VPS8: variants seen among roughly 807,000 people sequenced by gnomAD.
VPS8 encodes vacuolar protein sorting-associated protein 8 homolog.
Under a neutral mutation model 216.4 loss-of-function variants are expected in VPS8, and 129 were observed. The observed-to-expected ratio is 0.60, with a 90% CI of 0.52 to 0.69. The LOEUF (loss-of-function observed/expected upper bound fraction) is 0.69, where lower values mean the gene tolerates loss of function less well. VPS8 is among the 30% of genes least tolerant of loss of function. The pLI is 0.00. For missense variants in VPS8, 1,531 were observed against 1,683.5 expected (o/e 0.91, Z 1.59); for synonymous variants, 571 against 565.4 (o/e 1.01, Z -0.14).
chr3:184,956,922 T>C (rs1745706892), intron 36 of VPS8, among the ~76,000 whole-genome samples: 1 of 152,218 alleles, frequency 6.6e-6, no homozygotes, highest in Admixed American at 6.5e-5. Context: ...ACAGAATTTA[T>C]AGTGTTTTAG....
At chr3:184,872,469 C>T (rs1384111036) in intron 21 of VPS8, among the ~76,000 whole-genome samples, 2 of 151,986 alleles carry the variant, frequency 1.3e-5, no homozygotes, top group East Asian at 3.9e-4. Context: ...ATGCTGACTG[C>T]AGAACGTACA....
chr3:184,817,828 GCATGGCCC>G (rs1399841950), intron 1 of VPS8, among the ~76,000 whole-genome samples: 1 of 152,198 alleles, frequency 6.6e-6, no homozygotes, highest in East Asian at 1.9e-4. Context: ...ATTCAAAGGA[GCATGGCCC>G]CATTTTTATT....
intron 1 of VPS8, chr3:184,812,734 C>G (rs1715408210): frequency 6.6e-6 from 1 of 152,276 alleles, no homozygotes; most frequent in African/African-American, 2.4e-5. Flanking sequence ...CCCGCTCCCC[C>G]GACTGTGAGC....
In VPS8 at chr3:185,046,440, G is replaced by A. The variant is rs1053665533; in HGVS notation, c.4057-2039G>A. On this transcript the variant is annotated intron_variant, in intron 46 of 47. Coordinates refer to ENST00000625842, the MANE Select transcript of VPS8 (RefSeq NM_001009921.3). Reference sequence around the variant, plus strand: ...GCCCTAAATGCCTGTTAATCTCATGGTGCCCACCTCTTCCCTGGATGGTGG... The same window carrying A: ...GCCCTAAATGCCTGTTAATCTCATGATGCCCACCTCTTCCCTGGATGGTGG... Among the ~76,000 whole-genome samples the A allele has an allele frequency of 1.4e-4, 21 of 152,210 alleles. No homozygotes were observed. The East Asian group carries it at 4.1e-3, about 29-fold the overall frequency.
chr3:184,878,632 A>T (rs1373298250), intron 21 of VPS8, among the ~76,000 whole-genome samples: 1 of 152,196 alleles, frequency 6.6e-6, no homozygotes, highest in East Asian at 1.9e-4. Flanking sequence ...TCCTCTGAGA[A>T]GATTTGAGGA....
rs545824437 is a variant in VPS8 at position 184,852,693 on chromosome 3, A to G, written c.821+126A>G. 17 of 862,502 alleles carry G rather than the reference A, an allele frequency of 2.0e-5. No individual in the cohort carries two copies. In the African/African-American group the frequency reaches 2.7e-4, roughly 14 times the overall value. 53.4% of individuals were successfully genotyped at this position (862,502 alleles called of 1,614,324 possible). A position where few individuals can be genotyped will look rare whatever the true frequency, so the allele number is the denominator to read the frequency against. ...GAGTAGATTATGACTGTGTATTACA[A>G]TTACCTGGGAAGGCTTATATTAATA... On this transcript the variant is annotated intron_variant, in intron 11 of 47. Transcript: ENST00000625842.
chr3:185,015,227 T>G (rs1288131925), intron 45 of VPS8, among the ~76,000 whole-genome samples: 2 of 152,212 alleles, frequency 1.3e-5, no homozygotes, highest in Non-Finnish European at 2.9e-5. Context: ...AGATACTAGG[T>G]GATCAGCCAT....
chr3:184,838,742 C>G lies in VPS8; in HGVS notation c.476C>G (p.Ala159Gly), dbSNP rs1721575226. 1 of 1,542,958 alleles carries G rather than the reference C, an allele frequency of 6.5e-7. No homozygotes were observed. The highest frequency in any genetic ancestry group is 8.7e-7 in the Non-Finnish European group (1 of 1,144,294). ...ADKVDAGLPT[A>G]IAVSSLIAVG... ...AAAGTAGATGCTGGCTTGCCTACAG[C>G]AATTGTAAGTATACTTTAACTTTTT... Residue 159 changes from alanine to glycine, a missense_variant, in exon 6 of 48, where the codon GCA (alanine) becomes GGA (glycine). By Grantham distance (60) the Ala-to-Gly change is moderately conservative. Coordinates refer to ENST00000625842, the MANE Select transcript of VPS8 (RefSeq NM_001009921.3).
intron 22 of VPS8, chr3:184,893,148 G>A (rs1460067463): frequency 4.7e-6 from 3 of 636,922 alleles, no homozygotes; most frequent in African/African-American, 4.0e-5. Flanking sequence ...ATTTTCCCTA[G>A]AATGTTGCAA....
intron 45 of VPS8, among the ~76,000 whole-genome samples, chr3:185,015,096 G>A (rs776319984): frequency 3.9e-5 from 6 of 152,240 alleles, no homozygotes; most frequent in Admixed American, 1.3e-4. Context: ...GATGAGGAAT[G>A]CACCATTTGG....
intron 46 of VPS8, among the ~76,000 whole-genome samples, chr3:185,043,414 GA>G (rs1712137894): frequency 6.6e-6 from 1 of 152,144 alleles, no homozygotes; most frequent in African/African-American, 2.4e-5. Flanking sequence ...TCCCTCACAA[GA>G]AAGAGCCTTG....
At chr3:184,941,851 G>T (rs1332638147) in intron 36 of VPS8, among the ~76,000 whole-genome samples, 1 of 151,820 alleles carries the variant, frequency 6.6e-6, no homozygotes, top group African/African-American at 2.4e-5. Context: ...TTTGAACTTG[G>T]CATTTTCTCA....
intron 17 of VPS8, 127 bp from the exon 18 acceptor site, chr3:184,867,897 T>G (rs1201044868): frequency 2.2e-6 from 2 of 922,298 alleles, no homozygotes; most frequent in Non-Finnish European, 3.2e-6. Context: ...TAAGATATAC[T>G]TCTAACTGTA....
intron 25 of VPS8, among the ~76,000 whole-genome samples, chr3:184,911,665 A>C (rs114789679): frequency 1.4e-3 from 212 of 151,854 alleles, no homozygotes; most frequent in African/African-American, 5.0e-3. Context: ...CTGTTTTTAG[A>C]CTCTCCCTTT....
intron 37 of VPS8, among the ~76,000 whole-genome samples, chr3:184,959,004 C>T (rs1746064763): frequency 6.6e-6 from 1 of 152,156 alleles, no homozygotes; most frequent in African/African-American, 2.4e-5. Flanking sequence ...CTGAAACTTA[C>T]AAGAAATCTC....
At chr3:184,969,278 C>T (rs558897143) in intron 39 of VPS8, among the ~76,000 whole-genome samples, 6 of 151,296 alleles carry the variant, frequency 4.0e-5, no homozygotes, top group Admixed American at 6.6e-5. Flanking sequence ...CCACCACACC[C>T]GGCTAATTTT....
intron 21 of VPS8, among the ~76,000 whole-genome samples, chr3:184,877,512 C>T (rs923775933): frequency 3.3e-5 from 5 of 152,296 alleles, no homozygotes; most frequent in Middle Eastern, 3.4e-3. Context: ...ATAATGATGG[C>T]TCATGTGGTG....
chr3:185,035,458 G>A (rs779055101), intron 46 of VPS8, among the ~76,000 whole-genome samples: 21 of 152,130 alleles, frequency 1.4e-4, no homozygotes, highest in Non-Finnish European at 1.8e-4. Context: ...TTCAATATAT[G>A]CAAATGAATA....
At chr3:185,007,990 AAAG>A (rs1417194992) in intron 45 of VPS8, among the ~76,000 whole-genome samples, 1 of 152,076 alleles carries the variant, frequency 6.6e-6, no homozygotes, top group Non-Finnish European at 1.5e-5. Flanking sequence ...GTCCATTTAA[AAAG>A]AATATTAGCT....
Sources: allele counts gnomAD v4.1 joint callset (sites outside exome capture counted in the v4.1 genomes callset), GRCh38; gene constraint gnomAD v4.1.1; transcripts MANE v1.5; gene names NCBI Gene and HGNC (gene_info 2026-07-23, HGNC 2026-07-21).